CNOT10: variants seen among roughly 807,000 people sequenced by gnomAD.
The protein encoded by CNOT10 is CCR4-NOT transcription complex subunit 10, also known as CCR4-NOT transcription complex, subunit 10.
A neutral mutation model predicts 94.6 loss-of-function variants in CNOT10; 30 were observed. The observed-to-expected ratio is 0.32, with a 90% CI of 0.24 to 0.43. The LOEUF is 0.43. CNOT10 is among the 20% of genes least tolerant of loss of function. The probability of loss-of-function intolerance (pLI) is 1.00; values close to 1 mark genes in which losing one functional copy is unlikely to be tolerated. For synonymous variants in CNOT10, 289 were observed against 301.6 expected, an observed-to-expected ratio of 0.96 and a Z score of 0.43; for missense variants, 759 against 877.2, an observed-to-expected ratio of 0.87 and a Z score of 1.70.
At chr3:32,764,390 A>G in intron 15 of CNOT10, 65 bp from the exon 16 acceptor site, 5 of 1,520,460 alleles carry the variant, frequency 3.3e-6, no homozygotes, top group Non-Finnish European at 4.5e-6. Flanking sequence ...TCTGAGCCCG[A>G]GGAGAAAAGA....
rs1390091465 is a variant in CNOT10 at position 32,725,441 on chromosome 3, T to A, written c.863-9T>A. 1 of 1,612,512 alleles carries A rather than the reference T, an allele frequency of 6.2e-7. No homozygotes were observed. The highest frequency in any genetic ancestry group is 1.3e-5 in the African/African-American group (1 of 74,840). On this transcript the variant is annotated splice_polypyrimidine_tract_variant and intron_variant, in intron 8 of 18. Coordinates refer to ENST00000328834, the MANE Select transcript of CNOT10 (RefSeq NM_015442.3). ...TTTCTGTGGACAAATTTATTTGCAT[T>A]TTTTTCAGGTGAATGCTTGAGATGC...
intron 1 of CNOT10, among the ~76,000 whole-genome samples, chr3:32,700,273 G>T (rs1697278792): frequency 6.6e-6 from 1 of 152,146 alleles, no homozygotes; most frequent in Non-Finnish European, 1.5e-5. Context: ...ACTGCGCCCG[G>T]CCTCAGTTTC....
At chr3:32,724,295 G>T (rs1274830036) in intron 8 of CNOT10, among the ~76,000 whole-genome samples, 1 of 149,450 alleles carries the variant, frequency 6.7e-6, no homozygotes, top group Non-Finnish European at 1.5e-5. Context: ...ACCCAGGCTG[G>T]AATGCAGTGG....
intron 6 of CNOT10, among the ~76,000 whole-genome samples, chr3:32,716,522 TA>T (rs1205403753): frequency 6.6e-6 from 1 of 152,228 alleles, no homozygotes; most frequent in Non-Finnish European, 1.5e-5. Flanking sequence ...GCTCTATAAA[TA>T]AAGTTTGAGA....
At chr3:32,748,116 C>A (rs1265268123) in intron 13 of CNOT10, among the ~76,000 whole-genome samples, 1 of 152,206 alleles carries the variant, frequency 6.6e-6, no homozygotes, top group African/African-American at 2.4e-5. Context: ...CCTTGGCCCC[C>A]CAAAGCATCG....
At chr3:32,772,811 C>T (rs1700972666) in intron 18 of CNOT10, among the ~76,000 whole-genome samples, 1 of 152,120 alleles carries the variant, frequency 6.6e-6, no homozygotes, top group Admixed American at 6.5e-5. Context: ...ACCCAGCGGG[C>T]CTTAGCCTCC....
At position 32,758,796 on chromosome 3, in the gene CNOT10, C is replaced by T. The variant is rs72850492; in HGVS notation, c.1596-662C>T. Among the ~76,000 whole-genome samples the T allele has an allele frequency of 7.9e-3, 1,204 of 152,268 alleles. 14 individuals are homozygous for T. The highest frequency in any genetic ancestry group is 0.027 in the African/African-American group (1,113 of 41,552). ...CCAAATATTATAGAAACTTAGATTT[C>T]CAATCCAACTTAGCGAAATCAATGT... is the stretch of plus-strand genomic sequence containing the variant. On this transcript the variant is annotated intron_variant, in intron 13 of 18. Coordinates refer to ENST00000328834, the MANE Select transcript of CNOT10 (RefSeq NM_015442.3).
chr3:32,757,044 T>G (rs1700250140), intron 13 of CNOT10, among the ~76,000 whole-genome samples: 1 of 147,832 alleles, frequency 6.8e-6, no homozygotes, highest in Non-Finnish European at 1.5e-5. Context: ...AGGCAGAGGT[T>G]GCAGTCAGCC....
intron 8 of CNOT10, among the ~76,000 whole-genome samples, chr3:32,723,647 C>T (rs190842305): frequency 6.6e-6 from 1 of 152,098 alleles, no homozygotes; most frequent in Non-Finnish European, 1.5e-5. Context: ...AAAATGTAAA[C>T]ACACATACAC....
intron 1 of CNOT10, among the ~76,000 whole-genome samples, chr3:32,702,372 T>G (rs1297429635): frequency 6.6e-6 from 1 of 152,230 alleles, no homozygotes; most frequent in Non-Finnish European, 1.5e-5. Context: ...TTTACCTTTA[T>G]TTTGGAATTC....
chr3:32,686,415 A>G (rs1396907130), intron 1 of CNOT10, among the ~76,000 whole-genome samples: 1 of 152,236 alleles, frequency 6.6e-6, no homozygotes, highest in African/African-American at 2.4e-5. Flanking sequence ...ATAACTGACA[A>G]ATGAACTTCA....
intron 13 of CNOT10, among the ~76,000 whole-genome samples, chr3:32,743,422 G>A (rs149407624): frequency 0.012 from 1,793 of 152,146 alleles, 27 homozygotes; most frequent in African/African-American, 0.04. Flanking sequence ...CTGAGGTCAA[G>A]AGTTCGAGAT....
intron 7 of CNOT10, among the ~76,000 whole-genome samples, chr3:32,719,234 G>A (rs1698263379): frequency 6.6e-6 from 1 of 152,038 alleles, no homozygotes; most frequent in Non-Finnish European, 1.5e-5. Context: ...GGGCAACGGA[G>A]CGAGACTCCG....
intron 13 of CNOT10, among the ~76,000 whole-genome samples, chr3:32,758,300 C>G (rs1035785381): frequency 6.6e-6 from 1 of 152,178 alleles, no homozygotes; most frequent in African/African-American, 2.4e-5. Flanking sequence ...AAGGACCACT[C>G]TACTTTTCTG....
rs1249200073 is a variant in CNOT10, at chr3:32,734,865, C to T, written c.1403C>T (p.Ala468Val). The change falls in exon 12 of 19, where the codon GCC becomes GTC. Residue 468 changes from alanine to valine, a missense_variant. By Grantham distance (64) the Ala-to-Val change is moderately conservative (BLOSUM62 0). This residue lies in a region of CNOT10 where 682 missense variants were observed against 799.4 expected (regional missense o/e 0.85). Transcript: ENST00000328834. Reference protein sequence around the residue: ...MEFAAICLRNALLLLPEEQQD... With the variant: ...MEFAAICLRNVLLLLPEEQQD... ...TTTGCAGCCATATGTCTCAGAAATG[C>T]CTTGTTGCTGCTACCTGAAGAACAG... The T allele has an allele frequency of 3.1e-6, 5 of 1,613,886 alleles. No individual in the cohort carries two copies. In the Admixed American group the frequency reaches 8.3e-5, roughly 27 times the overall value.
chr3:32,706,735 GTCTC>G (rs1365615331), intron 3 of CNOT10, among the ~76,000 whole-genome samples: 1 of 152,206 alleles, frequency 6.6e-6, no homozygotes, highest in Non-Finnish European at 1.5e-5. Flanking sequence ...TCTTAACTCA[GTCTC>G]TCTCCATTAC....
intron 1 of CNOT10, among the ~76,000 whole-genome samples, chr3:32,691,081 C>CA (rs985400911): frequency 6.7e-6 from 1 of 149,366 alleles, no homozygotes; most frequent in African/African-American, 2.5e-5. Flanking sequence ...TTGCAACCTC[C>CA]ATCTCCCGAG....
At position 32,708,705 on chromosome 3, in the gene CNOT10, T is replaced by A. The variant is rs1441226167; in HGVS notation, c.315T>A (p.Asp105Glu). Residue 105 changes from aspartate (D) to glutamate (E), a missense_variant, in exon 4 of 19, where the codon GAT becomes GAA. Physicochemically the swap from Asp to Glu is conservative, Grantham distance 45. Coordinates refer to ENST00000328834, the MANE Select transcript of CNOT10 (RefSeq NM_015442.3). ...CTGTTGAAGAAATGGATGGATTAGA[T>A]GATGTTGAAAACAGCATGTTGTACT... ...HSAVEEMDGL[D>E]DVENSMLYYN... The A allele has an allele frequency of 6.2e-7, 1 of 1,613,218 alleles. No homozygotes were observed. Among genetic ancestry groups the A allele is most frequent in the Non-Finnish European group, 8.5e-7 (1 of 1,179,716 alleles).
chr3:32,733,675 A>T lies in CNOT10; in HGVS notation c.1337+131A>T, dbSNP rs183319831. 1.3e-3 allele frequency: 769 copies of T among 581,208 alleles called. 5 individuals carry two copies. Among genetic ancestry groups the T allele is most frequent in the Non-Finnish European group, 1.8e-3 (637 of 355,736 alleles). 36.0% of individuals were successfully genotyped at this position (581,208 alleles called of 1,614,324 possible). A position where few individuals can be genotyped will look rare whatever the true frequency, so the allele number is the denominator to read the frequency against. On this transcript the variant is annotated intron_variant, in intron 11 of 18. Coordinates refer to ENST00000328834, the MANE Select transcript of CNOT10 (RefSeq NM_015442.3). Reference sequence around the variant, plus strand: ...CACTTTGTAACTAGATTTTATTGCTATTTCAACAAACAGACCCTCATGTAT... The same window carrying T: ...CACTTTGTAACTAGATTTTATTGCTTTTTCAACAAACAGACCCTCATGTAT...
Sources: gnomAD v4.1 joint callset for allele counts (sites outside exome capture counted in the v4.1 genomes callset) on GRCh38, gnomAD v4.1.1 for gene constraint, gnomAD v4.1.1 regional missense constraint, MANE v1.5 for transcripts, NCBI Gene and HGNC (gene_info 2026-07-23, HGNC 2026-07-21) for gene names.